RASGEF1A: variants seen among roughly 807,000 people sequenced by gnomAD.
RASGEF1A encodes RasGEF domain family member 1A, also known as ras-GEF domain-containing family member 1A.
Under a neutral mutation model 56.4 loss-of-function variants are expected in RASGEF1A, and 18 were observed. The ratio of observed to expected loss-of-function variants is 0.32; its 90% confidence interval spans 0.22 to 0.47. The LOEUF is 0.47. RASGEF1A is among the 20% of genes least tolerant of loss of function. RASGEF1A has a pLI of 1.00. For missense variants in RASGEF1A, 422 were observed against 627.1 expected (o/e 0.67, Z 3.49); for synonymous variants, 245 against 242.6 (o/e 1.01, Z -0.09).
chr10:43,199,116 AG>A lies in RASGEF1A; in HGVS notation c.927del (p.Phe310SerfsTer4). 6.2e-7 allele frequency: 1 copy of A among 1,613,860 alleles called. No homozygotes were observed. The highest frequency in any genetic ancestry group is 1.1e-5 in the South Asian group (1 of 91,084). ...CAGATGATGGCCATCATGGAGTTGA[AG>A]TTCCCGATGTTGAAGCACTCCCGGG... ...DVARECFNIG[N>X]FNSMMAIISG... On this transcript the variant is annotated frameshift_variant, in exon 8 of 13. Coordinates refer to ENST00000395810, the MANE Select transcript of RASGEF1A (RefSeq NM_145313.4). LOFTEE classifies it high-confidence loss of function.
At position 43,267,050 on chromosome 10, in the gene RASGEF1A, C is replaced by CGAGCGAGCGCG. The variant is rs1260949674; in HGVS notation, c.-223_-213dup. The CGAGCGAGCGCG allele has an allele frequency of 4.7e-5, 7 of 150,184 alleles. No individual in the cohort carries two copies. Among genetic ancestry groups the CGAGCGAGCGCG allele is most frequent in the African/African-American group, 1.2e-4 (5 of 41,152 alleles). 9.3% of individuals were successfully genotyped at this position (150,184 alleles called of 1,614,324 possible). A position where few individuals can be genotyped will look rare whatever the true frequency, so the allele number is the denominator to read the frequency against. On this transcript the variant is annotated 5_prime_UTR_variant, in exon 1 of 13. Coordinates refer to ENST00000395810, the MANE Select transcript of RASGEF1A (RefSeq NM_145313.4). ...CGGGGAGCGCGAGCGAGCGAGCGAACGAGCGAGCGCGGAGCGAGCGCCGAG... is the reference window on the plus strand; with the variant it reads ...CGGGGAGCGCGAGCGAGCGAGCGAACGAGCGAGCGCGGAGCGAGCGCGGAGCGAGCGCCGAG...
At chr10:43,216,586 C>G (rs923171799) in intron 1 of RASGEF1A, among the ~76,000 whole-genome samples, 1 of 152,188 alleles carries the variant, frequency 6.6e-6, no homozygotes, top group African/African-American at 2.4e-5. Context: ...ATTTTGCCCC[C>G]CTCCTGGATA....
Position 43,206,022 on chromosome 10 carries a change from C to T in RASGEF1A, c.95G>A (p.Gly32Asp). 1 of 1,608,080 alleles carries T rather than the reference C, an allele frequency of 6.2e-7. No individual in the cohort carries two copies. Among genetic ancestry groups the T allele is most frequent in the Non-Finnish European group, 8.5e-7 (1 of 1,177,232 alleles). Residue 32 changes from glycine to aspartate, a missense_variant, in exon 2 of 13, where the codon GGT (glycine) becomes GAT (aspartate). Physicochemically the swap from Gly to Asp is moderately conservative, Grantham distance 94 (BLOSUM62 -1). Coordinates refer to ENST00000395810, the MANE Select transcript of RASGEF1A (RefSeq NM_145313.4). Reference sequence around the variant, plus strand: ...GAAGATGAGGTCCCCGGAGCCGCCACCGGCCCCGCCTCCACGCTCCCCCAT... The same window carrying T: ...GAAGATGAGGTCCCCGGAGCCGCCATCGGCCCCGCCTCCACGCTCCCCCAT... ...PGMGERGGGAGGGSGDLIFQD... is the reference protein window; with the variant it reads ...PGMGERGGGADGGSGDLIFQD...
intron 1 of RASGEF1A, among the ~76,000 whole-genome samples, chr10:43,220,799 G>A (rs562926397): frequency 6.6e-6 from 1 of 151,832 alleles, no homozygotes. Flanking sequence ...AAAAAAAAGG[G>A]GGGGGAGTAC....
intron 1 of RASGEF1A, among the ~76,000 whole-genome samples, chr10:43,244,091 A>G (rs1464769450): frequency 6.6e-6 from 1 of 152,130 alleles, no homozygotes. Flanking sequence ...CTTACCCCCA[A>G]CCCCCTGCTC....
In RASGEF1A at chr10:43,203,427, G is replaced by A; in HGVS notation, c.199-7C>T. The A allele has an allele frequency of 6.5e-7, 1 of 1,539,680 alleles. No homozygotes were observed. ...AGGTGAAGATGTACGTCCTCTGAAG[G>A]CAGGAGACGGAGAGAGGGCGGAGGG... On this transcript the variant is annotated splice_region_variant and splice_polypyrimidine_tract_variant and intron_variant, in intron 2 of 12. Transcript: ENST00000395810.
intron 1 of RASGEF1A, among the ~76,000 whole-genome samples, chr10:43,239,809 C>T (rs1028036333): frequency 6.6e-6 from 1 of 152,162 alleles, no homozygotes; most frequent in African/African-American, 2.4e-5. Flanking sequence ...GTCTCAAGTA[C>T]AAAAATCATA....
At chr10:43,266,507 G>A (rs1189639059) in intron 1 of RASGEF1A, among the ~76,000 whole-genome samples, 1 of 151,172 alleles carries the variant, frequency 6.6e-6, no homozygotes, top group African/African-American at 2.4e-5. Context: ...CCTGCCCGCA[G>A]TGCCCACGCC....
intron 1 of RASGEF1A, among the ~76,000 whole-genome samples, chr10:43,225,724 A>G (rs1447745422): frequency 6.6e-6 from 1 of 152,080 alleles, no homozygotes; most frequent in Non-Finnish European, 1.5e-5. Context: ...CACCCACCCA[A>G]AACACCACAC....
chr10:43,197,703 G>A (rs576536180), intron 10 of RASGEF1A, among the ~76,000 whole-genome samples: 3 of 152,322 alleles, frequency 2.0e-5, no homozygotes, highest in South Asian at 4.1e-4. Context: ...TCCCACAGGG[G>A]TGGACAGGGC....
intron 1 of RASGEF1A, among the ~76,000 whole-genome samples, chr10:43,255,756 G>A (rs1840681120): frequency 6.6e-6 from 1 of 152,220 alleles, no homozygotes. Flanking sequence ...GGGGGTGCTG[G>A]GGTGGGAGTA....
intron 1 of RASGEF1A, among the ~76,000 whole-genome samples, chr10:43,249,260 C>T (rs1840600300): frequency 6.6e-6 from 1 of 152,238 alleles, no homozygotes; most frequent in Admixed American, 6.5e-5. Flanking sequence ...CCACTGCCAG[C>T]TCCCACCTGC....
intron 1 of RASGEF1A, among the ~76,000 whole-genome samples, chr10:43,257,107 A>G (rs1836429057): frequency 6.6e-6 from 1 of 152,034 alleles, no homozygotes; most frequent in South Asian, 2.1e-4. Context: ...TCCACTCTCC[A>G]ATGGTTCTGC....
At chr10:43,207,040 T>C in intron 1 of RASGEF1A, 1 of 985,510 alleles carries the variant, frequency 1.0e-6, no homozygotes, top group Non-Finnish European at 1.2e-6. Context: ...TGAAGCCCTC[T>C]GGGCCTGTTT....
chr10:43,211,461 C>G (rs79592291), intron 1 of RASGEF1A, among the ~76,000 whole-genome samples: 8,659 of 152,266 alleles, frequency 0.057, 647 homozygotes, highest in African/African-American at 0.17. Flanking sequence ...TGCCACCTGC[C>G]TGCCAGGATG....
Position 43,203,328 on chromosome 10 carries a change from CTGCT to C in RASGEF1A, c.287_290del (p.Glu96GlyfsTer14). 6.4e-7 allele frequency: 1 copy of C among 1,572,874 alleles called. No individual in the cohort carries two copies. The highest frequency in any genetic ancestry group is 1.3e-5 in the African/African-American group (1 of 74,234). ...CAGGCCCGGCTTCCAGCTGCTGCTTCTGCTCCACGCAGATCTGCCCCACGCGGGC... is the reference window on the plus strand; with the variant it reads ...CAGGCCCGGCTTCCAGCTGCTGCTTCCCACGCAGATCTGCCCCACGCGGGC... On this transcript the variant is annotated frameshift_variant, in exon 3 of 13. Transcript: ENST00000395810. LOFTEE classifies it high-confidence loss of function.
chr10:43,263,184 G>C (rs929562197), intron 1 of RASGEF1A, among the ~76,000 whole-genome samples: 1 of 152,116 alleles, frequency 6.6e-6, no homozygotes, highest in African/African-American at 2.4e-5. Flanking sequence ...CCCAGGTCTT[G>C]AGGAACAGGG....
intron 1 of RASGEF1A, among the ~76,000 whole-genome samples, chr10:43,240,088 A>C (rs1311645615): frequency 6.6e-6 from 1 of 152,340 alleles, no homozygotes; most frequent in East Asian, 1.9e-4. Context: ...GTCTCTGTGC[A>C]AGCAGGAAGA....
intron 1 of RASGEF1A, among the ~76,000 whole-genome samples, chr10:43,224,107 C>A (rs548490266): frequency 1.3e-5 from 2 of 152,086 alleles, no homozygotes; most frequent in Non-Finnish European, 2.9e-5. Flanking sequence ...TGAGAGCCAA[C>A]TAAGCCTCTG....
Sources: allele counts gnomAD v4.1 joint callset (sites outside exome capture counted in the v4.1 genomes callset), GRCh38; gene constraint gnomAD v4.1.1; transcripts MANE v1.5; gene names NCBI Gene and HGNC (gene_info 2026-07-23, HGNC 2026-07-21).